BMPR1B: variants seen among roughly 807,000 people sequenced by gnomAD.
BMPR1B encodes the protein bone morphogenetic protein receptor type-1B.
A neutral mutation model predicts 59.1 loss-of-function variants in BMPR1B; 12 were observed. The ratio of observed to expected loss-of-function variants is 0.20; its 90% CI spans 0.13 to 0.33. The LOEUF (loss-of-function observed/expected upper bound fraction) is 0.33, where lower values mean the gene tolerates loss of function less well. Among genes scored for constraint, BMPR1B ranks in the 10% least tolerant of loss-of-function variants. The pLI is 1.00. For missense variants in BMPR1B, 550 were observed against 610.9 expected (o/e 0.90, Z 1.05); for synonymous variants, 237 against 207.3 (o/e 1.14, Z -1.23).
At chr4:94,829,528 G>A (rs1175227374) in intron 1 of BMPR1B, among the ~76,000 whole-genome samples, 1 of 152,034 alleles carries the variant, frequency 6.6e-6, no homozygotes, top group East Asian at 1.9e-4. Flanking sequence ...GCCTCCCAAG[G>A]TGCCAGGATT....
chr4:94,916,523 G>A (rs1386592660), intron 2 of BMPR1B, among the ~76,000 whole-genome samples: 1 of 152,116 alleles, frequency 6.6e-6, no homozygotes, highest in East Asian at 1.9e-4. Context: ...GATGACCTAG[G>A]GTATCTGAAA....
chr4:94,882,580 T>A (rs1359988235), intron 2 of BMPR1B, among the ~76,000 whole-genome samples: 4 of 152,218 alleles, frequency 2.6e-5, no homozygotes, highest in Non-Finnish European at 4.4e-5. Flanking sequence ...AATCCTCTTT[T>A]TGCAGATGAA....
Position 95,104,394 on chromosome 4 carries a change from A to G in BMPR1B, c.-17-14A>G. 2.5e-6 allele frequency: 4 copies of G among 1,612,414 alleles called. No homozygotes were observed. The highest frequency in any genetic ancestry group is 1.7e-5 in the Admixed American group (1 of 59,802). The stretch of plus-strand genomic sequence containing the variant: ...ACCCCACAGATGCCTAACTCTCACT[A>G]TTTCTTCTTTCAGCAAACTTCCTTG... On this transcript the variant is annotated splice_polypyrimidine_tract_variant and intron_variant, in intron 3 of 12. Coordinates refer to ENST00000515059, the MANE Select transcript of BMPR1B (RefSeq NM_001203.3).
chr4:95,033,064 A>G (rs1455978327), intron 3 of BMPR1B, among the ~76,000 whole-genome samples: 2 of 152,132 alleles, frequency 1.3e-5, no homozygotes, highest in African/African-American at 4.8e-5. Context: ...TTACCTAGTT[A>G]TTAGTGACTT....
At chr4:95,125,518 GGGT>G (rs1361646348) in intron 8 of BMPR1B, among the ~76,000 whole-genome samples, 2 of 152,070 alleles carry the variant, frequency 1.3e-5, no homozygotes, top group African/African-American at 2.4e-5. Flanking sequence ...TTCAGCTGTG[GGGT>G]TTATGTTTCA....
At chr4:94,970,461 G>C (rs1243302794) in intron 2 of BMPR1B, among the ~76,000 whole-genome samples, 1 of 151,708 alleles carries the variant, frequency 6.6e-6, no homozygotes, top group African/African-American at 2.4e-5. Flanking sequence ...GACTACAGGC[G>C]CGCCACCATG....
rs369100471 is a variant in BMPR1B, at chr4:95,061,212, A to AC, written c.-17-43195dup. 8.7e-3 allele frequency among the ~76,000 whole-genome samples: 1,140 copies of AC among 131,572 alleles called. 10 individuals carry two copies. The highest frequency in any genetic ancestry group is 0.02 in the Middle Eastern group (5 of 252). The allele number at this position is 131,572 out of a possible 152,430, so 86.3% of individuals were successfully genotyped here. On this transcript the variant is annotated intron_variant, in intron 3 of 12. Transcript: ENST00000515059. ...ACACACACACACACACACACACACC[A>AC]CACACCCCTCCATTGAATATACATA...
chr4:95,108,837 C>T (rs1047917356), intron 4 of BMPR1B, among the ~76,000 whole-genome samples: 17 of 152,064 alleles, frequency 1.1e-4, no homozygotes, highest in African/African-American at 4.1e-4. Flanking sequence ...TGTCAATTTG[C>T]GTTGTAATCC....
chr4:94,817,629 A>G (rs1322213763), intron 1 of BMPR1B, among the ~76,000 whole-genome samples: 1 of 151,986 alleles, frequency 6.6e-6, no homozygotes, highest in African/African-American at 2.4e-5. Flanking sequence ...GGTATCATTG[A>G]TGGACCTGTG....
chr4:94,978,654 G>A (rs1217197070), intron 2 of BMPR1B, among the ~76,000 whole-genome samples: 1 of 152,134 alleles, frequency 6.6e-6, no homozygotes, highest in African/African-American at 2.4e-5. Flanking sequence ...ATAGACATAA[G>A]CTTATCAGGA....
At chr4:94,799,563 A>G (rs1193125978) in intron 1 of BMPR1B, among the ~76,000 whole-genome samples, 1 of 151,860 alleles carries the variant, frequency 6.6e-6, no homozygotes, top group Admixed American at 6.6e-5. Flanking sequence ...CAGCCTCCCA[A>G]AGTGCTGGGA....
At chr4:94,971,911 T>C (rs1730806510) in intron 2 of BMPR1B, among the ~76,000 whole-genome samples, 1 of 151,912 alleles carries the variant, frequency 6.6e-6, no homozygotes. Context: ...TAGTATCTTA[T>C]TTAAAAGTAA....
chr4:94,849,877 G>C (rs1415837226), intron 1 of BMPR1B, among the ~76,000 whole-genome samples: 1 of 151,950 alleles, frequency 6.6e-6, no homozygotes, highest in African/African-American at 2.4e-5. Flanking sequence ...GGTGCGCTTA[G>C]AAACCAAGTG....
intron 8 of BMPR1B, among the ~76,000 whole-genome samples, chr4:95,128,931 C>T (rs1733097316): frequency 6.6e-6 from 1 of 151,928 alleles, no homozygotes; most frequent in South Asian, 2.1e-4. Context: ...TCTCTATAAT[C>T]TTCTCTCATT....
chr4:95,127,942 T>G (rs1007211365), intron 8 of BMPR1B, among the ~76,000 whole-genome samples: 1 of 151,926 alleles, frequency 6.6e-6, no homozygotes, highest in Non-Finnish European at 1.5e-5. Flanking sequence ...TGGAGTGTTG[T>G]GGTGCGATCT....
chr4:94,860,853 T>C (rs1341815479), intron 1 of BMPR1B, among the ~76,000 whole-genome samples: 1 of 150,278 alleles, frequency 6.7e-6, no homozygotes, highest in African/African-American at 2.5e-5. Context: ...GTCTTTCTCT[T>C]TCACGAGATC....
intron 3 of BMPR1B, among the ~76,000 whole-genome samples, chr4:95,014,767 A>C (rs1216875909): frequency 1.3e-5 from 2 of 152,158 alleles, no homozygotes; most frequent in African/African-American, 4.8e-5. Flanking sequence ...ATGAGGGTTA[A>C]TTTACTACCA....
chr4:94,831,142 G>A (rs536578407), intron 1 of BMPR1B, among the ~76,000 whole-genome samples: 3 of 150,844 alleles, frequency 2.0e-5, no homozygotes, highest in South Asian at 2.1e-4. Flanking sequence ...AGGATATGGA[G>A]GGGAAAGACA....
chr4:94,790,076 G>A (rs1266061514), intron 1 of BMPR1B, among the ~76,000 whole-genome samples: 1 of 151,770 alleles, frequency 6.6e-6, no homozygotes, highest in Non-Finnish European at 1.5e-5. Flanking sequence ...TTAAGAACAC[G>A]GTATGTAATA....
Sources: gnomAD v4.1 joint callset for allele counts (sites outside exome capture counted in the v4.1 genomes callset) on GRCh38, gnomAD v4.1.1 for gene constraint, MANE v1.5 for transcripts, NCBI Gene and HGNC (gene_info 2026-07-23, HGNC 2026-07-21) for gene names.